CTNNA3: variants seen among roughly 807,000 people sequenced by gnomAD.
CTNNA3 encodes the protein catenin alpha-3.
A neutral mutation model predicts 95.7 loss-of-function variants in CTNNA3; 76 were observed. The ratio of observed to expected loss-of-function variants is 0.79; its 90% CI spans 0.66 to 0.96. CTNNA3 has a LOEUF of 0.96. Among genes scored for constraint, CTNNA3 ranks in the 40% least tolerant of loss-of-function variants. The probability of loss-of-function intolerance (pLI) is 0.00; values close to 1 mark genes in which losing one functional copy is unlikely to be tolerated. For missense variants in CTNNA3, 1,191 were observed against 1,089.8 expected (o/e 1.09, Z -1.31); for synonymous variants, 431 against 374.4 (o/e 1.15, Z -1.74).
At chr10:67,333,430 G>A (rs1460264105) in intron 5 of CTNNA3, among the ~76,000 whole-genome samples, 2 of 152,132 alleles carry the variant, frequency 1.3e-5, no homozygotes, top group African/African-American at 2.4e-5. Context: ...TATGGTAATT[G>A]CAGTTTTATA....
intron 13 of CTNNA3, among the ~76,000 whole-genome samples, chr10:66,122,364 G>A (rs1439269654): frequency 6.6e-6 from 1 of 151,868 alleles, no homozygotes; most frequent in East Asian, 1.9e-4. Context: ...AATTAGAAAA[G>A]GTGTAACATA....
At chr10:66,702,724 A>T (rs1389446357) in intron 9 of CTNNA3, among the ~76,000 whole-genome samples, 4 of 135,062 alleles carry the variant, frequency 3.0e-5, no homozygotes, top group African/African-American at 1.2e-4. Context: ...AAAAAAAAAA[A>T]AAAGAATAAG....
At chr10:66,592,771 CTT>C (rs1438467489) in intron 10 of CTNNA3, among the ~76,000 whole-genome samples, 3 of 152,078 alleles carry the variant, frequency 2.0e-5, no homozygotes, top group African/African-American at 7.2e-5. Context: ...CACTGGATGA[CTT>C]TATGTCAAGG....
intron 7 of CTNNA3, among the ~76,000 whole-genome samples, chr10:66,869,361 T>C (rs1844306994): frequency 6.6e-6 from 1 of 151,974 alleles, no homozygotes; most frequent in Non-Finnish European, 1.5e-5. Flanking sequence ...AGGCCGAGGC[T>C]CTTGTTTTTC....
At chr10:67,558,437 T>C (rs1468160224) in intron 3 of CTNNA3, among the ~76,000 whole-genome samples, 2 of 152,220 alleles carry the variant, frequency 1.3e-5, no homozygotes, top group Admixed American at 6.5e-5. Context: ...GAGATTGCTA[T>C]AAAGATCTTG....
chr10:66,360,816 C>CCTTCCTTCCTTCCTTT (rs1491560905), intron 12 of CTNNA3, among the ~76,000 whole-genome samples: 3 of 50,274 alleles, frequency 6.0e-5, no homozygotes, highest in African/African-American at 2.3e-4. Flanking sequence ...TTCCTTCCTT[C>CCTTCCTTCCTTCCTTT]CTTTCTTTCT....
At chr10:67,079,536 A>G (rs1275482194) in intron 7 of CTNNA3, among the ~76,000 whole-genome samples, 1 of 152,176 alleles carries the variant, frequency 6.6e-6, no homozygotes, top group Non-Finnish European at 1.5e-5. Flanking sequence ...TGTTATAATT[A>G]GGAAGATAAA....
Position 66,379,353 on chromosome 10 carries a change from C to T in CTNNA3, c.1532-1G>A, listed in dbSNP as rs756034227. ...TTGACATCTTCCAAGATATGGCTTTCTGTAAGTAAATGAATCAAATTAGTT... is the reference window on the plus strand; with the variant it reads ...TTGACATCTTCCAAGATATGGCTTTTTGTAAGTAAATGAATCAAATTAGTT... On this transcript the variant is annotated splice_acceptor_variant, in intron 11 of 17. Transcript: ENST00000433211. LOFTEE classifies it high-confidence loss of function. The T allele has an allele frequency of 6.2e-7, 1 of 1,612,658 alleles. No homozygotes were observed. The highest frequency in any genetic ancestry group is 2.2e-5 in the East Asian group (1 of 44,852).
intron 12 of CTNNA3, among the ~76,000 whole-genome samples, chr10:66,340,962 A>G (rs1198916685): frequency 6.6e-6 from 1 of 151,918 alleles, no homozygotes; most frequent in Non-Finnish European, 1.5e-5. Context: ...AGTTAGCATT[A>G]TGCTAAATGG....
At chr10:66,824,564 T>C (rs1842426027) in intron 7 of CTNNA3, among the ~76,000 whole-genome samples, 2 of 152,152 alleles carry the variant, frequency 1.3e-5, no homozygotes, top group African/African-American at 2.4e-5. Flanking sequence ...AGGCTTACTG[T>C]TCAGAAAAGA....
chr10:67,137,386 G>T (rs1406816873), intron 7 of CTNNA3, among the ~76,000 whole-genome samples: 2 of 151,872 alleles, frequency 1.3e-5, no homozygotes, highest in East Asian at 3.9e-4. Flanking sequence ...TTTTAATTTT[G>T]TTAATTTTAG....
At chr10:66,444,549 C>G (rs1241676051) in intron 11 of CTNNA3, among the ~76,000 whole-genome samples, 1 of 152,080 alleles carries the variant, frequency 6.6e-6, no homozygotes, top group Non-Finnish European at 1.5e-5. Context: ...AATTTTCAAC[C>G]CAGAATTTCA....
chr10:67,689,516 G>A (rs1476520443), intron 1 of CTNNA3, among the ~76,000 whole-genome samples: 3 of 152,144 alleles, frequency 2.0e-5, no homozygotes, highest in African/African-American at 4.8e-5. Context: ...GAAGAGAGGC[G>A]AGAGGAAGTT....
intron 7 of CTNNA3, among the ~76,000 whole-genome samples, chr10:66,889,958 T>C (rs1845201882): frequency 2.0e-5 from 3 of 151,990 alleles, no homozygotes; most frequent in Admixed American, 2.0e-4. Flanking sequence ...GCCCAGCTAA[T>C]TTTTGTATTT....
intron 17 of CTNNA3, among the ~76,000 whole-genome samples, chr10:65,957,467 G>A (rs1462808256): frequency 2.0e-5 from 3 of 152,160 alleles, no homozygotes; most frequent in African/African-American, 7.2e-5. Flanking sequence ...GTTAGTTGAT[G>A]CAGTTTCTTT....
intron 7 of CTNNA3, among the ~76,000 whole-genome samples, chr10:66,805,512 TA>T (rs1841604636): frequency 6.7e-6 from 1 of 149,390 alleles, no homozygotes; most frequent in South Asian, 2.1e-4. Flanking sequence ...TTTATACATA[TA>T]TATATATATT....
intron 15 of CTNNA3, among the ~76,000 whole-genome samples, chr10:66,047,553 C>A (rs1407730577): frequency 6.6e-6 from 1 of 152,064 alleles, no homozygotes; most frequent in African/African-American, 2.4e-5. Flanking sequence ...GGAAGCATTC[C>A]CCTTGAAAAC....
intron 12 of CTNNA3, among the ~76,000 whole-genome samples, chr10:66,342,933 CTT>C (rs1426880734): frequency 1.3e-5 from 2 of 152,006 alleles, no homozygotes; most frequent in Non-Finnish European, 2.9e-5. Flanking sequence ...CAGTAAGAAT[CTT>C]TTCATTGTTT....
intron 7 of CTNNA3, among the ~76,000 whole-genome samples, chr10:66,844,888 T>C (rs961524690): frequency 6.6e-6 from 1 of 152,172 alleles, no homozygotes; most frequent in African/African-American, 2.4e-5. Flanking sequence ...TTCCTTCTAA[T>C]TGATATATTT....
Sources: gnomAD v4.1 joint callset for allele counts (sites outside exome capture counted in the v4.1 genomes callset) on GRCh38, gnomAD v4.1.1 for gene constraint, MANE v1.5 for transcripts, NCBI Gene and HGNC (gene_info 2026-07-23, HGNC 2026-07-21) for gene names.